Variants in MYO9A observed in about 807,000 individuals in gnomAD.
MYO9A encodes the protein myosin IXA, also known as unconventional myosin-IXa.
A neutral mutation model predicts 293.3 loss-of-function variants in MYO9A; 103 were observed. That is an observed-to-expected ratio of 0.35 (90% CI 0.30 to 0.41). The LOEUF (loss-of-function observed/expected upper bound fraction) is 0.41, where lower values mean the gene tolerates loss of function less well. Ranked by LOEUF, MYO9A falls within the 10% of genes least tolerant of loss-of-function variation. The pLI, the probability that MYO9A is intolerant of heterozygous loss-of-function variation, is 1.00. For synonymous variants in MYO9A, 1,001 were observed against 1,035.7 expected (o/e 0.97, Z 0.64); for missense variants, 2,685 against 3,033.0 (o/e 0.89, Z 2.69).
chr15:71,830,015 A>G, intron 40 of MYO9A, 94 bp downstream of exon 40: 2 of 1,242,228 alleles, frequency 1.6e-6, no homozygotes, highest in Middle Eastern at 1.9e-4. Context: ...TTTAACACAC[A>G]GGAGATAATA....
intron 6 of MYO9A, 39 bp from the exon 7 acceptor site, chr15:72,010,486 A>G (rs779916765): frequency 6.6e-7 from 1 of 1,523,094 alleles, no homozygotes. Flanking sequence ...TCAAGATTAT[A>G]TATTTTAAAA....
intron 25 of MYO9A, among the ~76,000 whole-genome samples, chr15:71,896,492 A>G (rs1413882715): frequency 6.6e-6 from 1 of 152,174 alleles, no homozygotes; most frequent in Non-Finnish European, 1.5e-5. Flanking sequence ...AAGAAATTCT[A>G]CTTACGGCTG....
chr15:71,969,044 A>C (rs2957734), intron 12 of MYO9A, among the ~76,000 whole-genome samples: 1 of 151,950 alleles, frequency 6.6e-6, no homozygotes, highest in Non-Finnish European at 1.5e-5. Context: ...CATAGTTTAC[A>C]TTACGCATTC....
At chr15:71,877,967 C>T in intron 31 of MYO9A, 73 bp downstream of exon 31, 1 of 1,321,808 alleles carries the variant, frequency 7.6e-7, no homozygotes, top group Non-Finnish European at 1.0e-6. Context: ...TTCTCAAATA[C>T]AAGATGTCCC....
chr15:72,084,969 G>C lies in MYO9A; in HGVS notation c.-72+32711C>G, dbSNP rs116683638. The stretch of plus-strand genomic sequence containing the variant: ...ATAGATTTGGTCTCTACATAATCCC[G>C]TATTTCTTGGAGGTTTTGTTTGTTC... On this transcript the variant is annotated intron_variant, in intron 1 of 41. Coordinates refer to ENST00000356056, the MANE Select transcript of MYO9A (RefSeq NM_006901.4). Among the ~76,000 whole-genome samples the C allele has an allele frequency of 9.4e-3, 1,436 of 152,224 alleles. 29 individuals carry two copies. The highest frequency in any genetic ancestry group is 0.033 in the African/African-American group (1,358 of 41,532).
chr15:71,951,958 C>T, intron 14 of MYO9A, 62 bp from the exon 15 acceptor site: 1 of 1,503,224 alleles, frequency 6.7e-7, no homozygotes, highest in Non-Finnish European at 8.8e-7. Flanking sequence ...ATTATATAAG[C>T]CCAAACCAAC....
intron 1 of MYO9A, among the ~76,000 whole-genome samples, chr15:72,104,955 AGACATG>A (rs2080516165): frequency 1.3e-5 from 2 of 152,350 alleles, no homozygotes; most frequent in African/African-American, 4.8e-5. Flanking sequence ...AAAACATTCA[AGACATG>A]GGCTTTTTTT....
chr15:72,075,049 C>A (rs2150247731), intron 1 of MYO9A, among the ~76,000 whole-genome samples: 1 of 145,192 alleles, frequency 6.9e-6, no homozygotes, highest in South Asian at 2.2e-4. Flanking sequence ...ACTGTAACCT[C>A]CACCTCCCAG....
At chr15:72,001,995 G>T (rs2076879081) in intron 8 of MYO9A, among the ~76,000 whole-genome samples, 1 of 152,182 alleles carries the variant, frequency 6.6e-6, no homozygotes, top group South Asian at 2.1e-4. Context: ...TATTGGCTGG[G>T]TGAGGTGGCT....
chr15:71,931,384 T>C (rs1160984574), intron 18 of MYO9A, among the ~76,000 whole-genome samples: 1 of 152,212 alleles, frequency 6.6e-6, no homozygotes, highest in Non-Finnish European at 1.5e-5. Context: ...GTACTATGGT[T>C]GGCAGGTCTT....
chr15:71,829,078 A>C lies in MYO9A; in HGVS notation c.7040+1031T>G, dbSNP rs543378906. On this transcript the variant is annotated intron_variant, in intron 40 of 41. Transcript: ENST00000356056. Reference sequence around the variant, plus strand: ...TCTGCTCGTTCTTCTTTCTTTTTCTAGAGACTCTCCCCTTCCTTGAAAATT... The same window carrying C: ...TCTGCTCGTTCTTCTTTCTTTTTCTCGAGACTCTCCCCTTCCTTGAAAATT... 3.3e-4 allele frequency among the ~76,000 whole-genome samples: 50 copies of C among 152,278 alleles called. No homozygotes were observed. The South Asian group carries it at 0.01, about 32-fold the overall frequency.
chr15:71,990,989 T>C (rs1385492599), intron 11 of MYO9A, 114 bp downstream of exon 11: 1 of 1,078,420 alleles, frequency 9.3e-7, no homozygotes, highest in Non-Finnish European at 1.2e-6. Context: ...CAATATTTAA[T>C]AAAAACACTA....
At chr15:71,875,571 T>G (rs2056658055) in intron 32 of MYO9A, among the ~76,000 whole-genome samples, 2 of 152,132 alleles carry the variant, frequency 1.3e-5, no homozygotes, top group African/African-American at 4.8e-5. Context: ...CTTTCATGAG[T>G]AAACAATTTC....
chr15:72,022,554 G>A (rs987655083), intron 4 of MYO9A, among the ~76,000 whole-genome samples: 2 of 151,726 alleles, frequency 1.3e-5, no homozygotes, highest in African/African-American at 4.8e-5. Flanking sequence ...GTTGTGTTTT[G>A]TTTCGTTTTT....
At chr15:71,883,528 T>C in intron 28 of MYO9A, 66 bp downstream of exon 28, 2 of 1,519,976 alleles carry the variant, frequency 1.3e-6, no homozygotes, top group Non-Finnish European at 1.8e-6. Flanking sequence ...ACTACAGGAA[T>C]AGCAAACTTT....
intron 13 of MYO9A, among the ~76,000 whole-genome samples, chr15:71,964,617 T>A (rs1215172880): frequency 1.0e-4 from 13 of 123,900 alleles, no homozygotes; most frequent in Non-Finnish European, 1.3e-4. Flanking sequence ...CCATCTCTAC[T>A]AAAAAAAAAA....
chr15:72,073,418 G>A (rs1256420006), intron 1 of MYO9A, among the ~76,000 whole-genome samples: 1 of 152,092 alleles, frequency 6.6e-6, no homozygotes, highest in Non-Finnish European at 1.5e-5. Flanking sequence ...TTGTATCTAG[G>A]CATACCCCTG....
chr15:71,905,935 G>A (rs1278696222), intron 19 of MYO9A, among the ~76,000 whole-genome samples: 1 of 151,670 alleles, frequency 6.6e-6, no homozygotes, highest in Non-Finnish European at 1.5e-5. Context: ...AGTTTATCGA[G>A]GTAGAAATTT....
intron 39 of MYO9A, 70 bp from the exon 40 acceptor site, chr15:71,830,381 TAAC>T: frequency 1.2e-5 from 17 of 1,411,560 alleles, no homozygotes; most frequent in Non-Finnish European, 1.6e-5. Flanking sequence ...TCTTTTAGGA[TAAC>T]AAGTGTATTT....
Sources: allele counts gnomAD v4.1 joint callset (sites outside exome capture counted in the v4.1 genomes callset), GRCh38; gene constraint gnomAD v4.1.1; transcripts MANE v1.5; gene names NCBI Gene and HGNC (gene_info 2026-07-23, HGNC 2026-07-21).